The following SLCO5A1 variants were observed in gnomAD, a reference collection of about 807,000 sequenced individuals.
The protein encoded by SLCO5A1 is organic anion transporter polypeptide-related protein 4.
Under a neutral mutation model 65.1 loss-of-function variants are expected in SLCO5A1, and 39 were observed. The ratio of observed to expected loss-of-function variants is 0.60; its 90% CI spans 0.46 to 0.78. SLCO5A1 has a LOEUF of 0.78. Ranked by LOEUF, SLCO5A1 falls within the 30% of genes least tolerant of loss-of-function variation. The probability of loss-of-function intolerance (pLI) is 0.00; values close to 1 mark genes in which losing one functional copy is unlikely to be tolerated. For synonymous variants in SLCO5A1, 438 were observed against 415.7 expected (o/e 1.05, Z -0.65); for missense variants, 1,029 against 1,069.4 (o/e 0.96, Z 0.53).
At chr8:69,727,814 G>C (rs1172621001) in intron 5 of SLCO5A1, among the ~76,000 whole-genome samples, 1 of 152,244 alleles carries the variant, frequency 6.6e-6, no homozygotes, top group Non-Finnish European at 1.5e-5. Flanking sequence ...GCAGGAAAGA[G>C]CGTGGGAAGG....
chr8:69,796,743 T>C (rs890816348), intron 2 of SLCO5A1, among the ~76,000 whole-genome samples: 1 of 151,974 alleles, frequency 6.6e-6, no homozygotes, highest in Admixed American at 6.6e-5. Context: ...CTCATACATA[T>C]GAGCATAAAA....
Position 69,673,130 on chromosome 8 carries a change from GTATTTTAT to G in SLCO5A1, c.2278_2285del (p.Ile760GlnfsTer20). On this transcript the variant is annotated frameshift_variant, in exon 10 of 10. Transcript: ENST00000260126. LOFTEE classifies it high-confidence loss of function. ...TCCGCCTCTGCAGTCCATCCTCCTT[GTATTTTAT>G]GGAGTACCAGGCCAGAAAAATAAAA... 1 of 1,614,162 alleles carries G rather than the reference GTATTTTAT, an allele frequency of 6.2e-7. No homozygotes were observed. The highest frequency in any genetic ancestry group is 1.1e-5 in the South Asian group (1 of 91,086).
intron 2 of SLCO5A1, among the ~76,000 whole-genome samples, chr8:69,806,329 T>A (rs574993455): frequency 3.9e-5 from 6 of 152,332 alleles, no homozygotes; most frequent in Non-Finnish European, 7.3e-5. Context: ...GCACTTGCCT[T>A]GGTTTGTAAT....
At position 69,670,355 on chromosome 8, in the gene SLCO5A1, G is replaced by T. The variant is rs1009388701; in HGVS notation, c.*2514C>A. 6.6e-6 allele frequency: 1 copy of T among 152,112 alleles called. No individual in the cohort carries two copies. Among genetic ancestry groups the T allele is most frequent in the African/African-American group, 2.4e-5 (1 of 41,428 alleles). 9.4% of individuals were successfully genotyped at this position (152,112 alleles called of 1,614,324 possible). On this transcript the variant is annotated 3_prime_UTR_variant, in exon 10 of 10. Transcript: ENST00000260126. ...CATCTACAAAACAGTCACTTCAGTT[G>T]GCTATGTAATATTCCAGTGATGCTA... is the stretch of plus-strand genomic sequence containing the variant.
At chr8:69,830,837 A>T (rs1208496869) in intron 2 of SLCO5A1, among the ~76,000 whole-genome samples, 3 of 152,210 alleles carry the variant, frequency 2.0e-5, no homozygotes, top group Non-Finnish European at 4.4e-5. Flanking sequence ...ATAGGAATGG[A>T]TTCTTCTCCC....
At chr8:69,834,415 G>T (rs924186935) in intron 1 of SLCO5A1, among the ~76,000 whole-genome samples, 1 of 152,222 alleles carries the variant, frequency 6.6e-6, no homozygotes, top group Non-Finnish European at 1.5e-5. Context: ...AAGGGTGGCC[G>T]CTCCGGCATC....
At chr8:69,734,290 C>T (rs1047786791) in intron 5 of SLCO5A1, among the ~76,000 whole-genome samples, 8 of 152,168 alleles carry the variant, frequency 5.3e-5, no homozygotes, top group Non-Finnish European at 1.2e-4. Flanking sequence ...TTATCCACCC[C>T]TGCTGCTTTG....
At chr8:69,777,888 A>T (rs1818625914) in intron 2 of SLCO5A1, among the ~76,000 whole-genome samples, 1 of 152,180 alleles carries the variant, frequency 6.6e-6, no homozygotes, top group Admixed American at 6.6e-5. Context: ...AACTGTGCCT[A>T]CGTCATTCAT....
intron 2 of SLCO5A1, among the ~76,000 whole-genome samples, chr8:69,772,426 A>C (rs1818358035): frequency 6.6e-6 from 1 of 151,268 alleles, no homozygotes. Flanking sequence ...GGGAGGCTGG[A>C]GTGGAAGGAT....
chr8:69,751,560 T>C (rs1817301331), intron 4 of SLCO5A1, among the ~76,000 whole-genome samples: 1 of 151,982 alleles, frequency 6.6e-6, no homozygotes, highest in South Asian at 2.1e-4. Context: ...TTTTTTTTTT[T>C]TCGTGAGACG....
chr8:69,830,700 C>A (rs1344979888), intron 2 of SLCO5A1, among the ~76,000 whole-genome samples: 1 of 152,128 alleles, frequency 6.6e-6, no homozygotes, highest in East Asian at 1.9e-4. Flanking sequence ...TGTAAATTTT[C>A]ATACCCTCTG....
chr8:69,772,562 G>GAGAAAGGAAAGGAA (rs1818365575), intron 2 of SLCO5A1, among the ~76,000 whole-genome samples: 1 of 95,150 alleles, frequency 1.1e-5, no homozygotes, highest in Non-Finnish European at 2.0e-5. Context: ...AGGGAGGGAG[G>GAGAAAGGAAAGGAA]AGAAAGGAAA....
At chr8:69,779,838 C>A (rs1818723286) in intron 2 of SLCO5A1, among the ~76,000 whole-genome samples, 1 of 151,976 alleles carries the variant, frequency 6.6e-6, no homozygotes, top group Non-Finnish European at 1.5e-5. Flanking sequence ...TTCTGTACAG[C>A]AAAAGAGAGA....
chr8:69,682,083 G>A (rs1357207037), intron 7 of SLCO5A1, 101 bp downstream of exon 7: 11 of 1,304,566 alleles, frequency 8.4e-6, no homozygotes, highest in Non-Finnish European at 1.2e-5. Context: ...GGAGCCTCTT[G>A]AAAAGAAAGA....
intron 6 of SLCO5A1, among the ~76,000 whole-genome samples, chr8:69,688,938 GT>G: frequency 6.6e-6 from 1 of 152,130 alleles, no homozygotes; most frequent in Non-Finnish European, 1.5e-5. Context: ...GGTTGAACTA[GT>G]TTACAGTCCC....
At chr8:69,831,713 G>A in intron 2 of SLCO5A1, 54 bp downstream of exon 2, 1 of 1,520,386 alleles carries the variant, frequency 6.6e-7, no homozygotes, top group African/African-American at 1.4e-5. Context: ...TTTTTGTAAG[G>A]AAAGTAAGTT....
At chr8:69,773,823 T>C (rs1818446799) in intron 2 of SLCO5A1, among the ~76,000 whole-genome samples, 1 of 152,174 alleles carries the variant, frequency 6.6e-6, no homozygotes, top group South Asian at 2.1e-4. Flanking sequence ...GGAAGATCTT[T>C]CTTCAGATGC....
At chr8:69,705,716 A>T (rs1177390968) in intron 5 of SLCO5A1, among the ~76,000 whole-genome samples, 1 of 152,252 alleles carries the variant, frequency 6.6e-6, no homozygotes, top group Non-Finnish European at 1.5e-5. Context: ...GTAATGTATA[A>T]AATTTTTTTA....
chr8:69,769,398 T>A (rs905564521), intron 2 of SLCO5A1, among the ~76,000 whole-genome samples: 1 of 152,132 alleles, frequency 6.6e-6, no homozygotes, highest in Non-Finnish European at 1.5e-5. Context: ...ACTGAACTAT[T>A]GACATAGGAA....
Sources: allele counts gnomAD v4.1 joint callset (sites outside exome capture counted in the v4.1 genomes callset), GRCh38; gene constraint gnomAD v4.1.1; transcripts MANE v1.5; gene names NCBI Gene and HGNC (gene_info 2026-07-23, HGNC 2026-07-21).